IFT122: variants seen among roughly 807,000 people sequenced by gnomAD.
IFT122 encodes the protein intraflagellar transport protein 122 homolog.
In IFT122, 118 loss-of-function variants were observed where a neutral mutation model predicts 161.6. That is an observed-to-expected ratio of 0.73 (90% CI 0.63 to 0.85). The LOEUF (loss-of-function observed/expected upper bound fraction) is 0.85, where lower values mean the gene tolerates loss of function less well. IFT122 is among the 40% of genes least tolerant of loss of function. The pLI is 0.00. For synonymous variants in IFT122, 550 were observed against 602.4 expected (o/e 0.91, Z 1.27); for missense variants, 1,381 against 1,579.6 (o/e 0.87, Z 2.13).
chr3:129,520,152 G>GTGCTGT, intron 29 of IFT122, 24 bp from the exon 30 acceptor site: 1 of 1,596,932 alleles, frequency 6.3e-7, no homozygotes, highest in Non-Finnish European at 8.6e-7. Flanking sequence ...GCTTCAGCCT[G>GTGCTGT]GTCTTACAGC....
chr3:129,467,117 A>G, intron 8 of IFT122, 51 bp downstream of exon 8: 1 of 1,555,372 alleles, frequency 6.4e-7, no homozygotes, highest in East Asian at 2.3e-5. Context: ...CCCAGGCCCC[A>G]CACAGACTTG....
intron 4 of IFT122, chr3:129,460,877 T>C (rs188269752): frequency 6.2e-7 from 1 of 1,614,096 alleles, no homozygotes; most frequent in South Asian, 1.1e-5. Flanking sequence ...ATGTCTTCAT[T>C]GCACCTCCAT....
In IFT122 at chr3:129,466,912, AACAGAGAGAATG is replaced by A; in HGVS notation, c.588_599del (p.Asn196_Glu200delinsLys). Reference sequence around the variant, plus strand: ...CAGCCGATGGGAGAGTTTCTGGATGAACAGAGAGAATGAGGATGCCGAGGATGTCATTGTCAA... The same window carrying A: ...CAGCCGATGGGAGAGTTTCTGGATGAAGGATGCCGAGGATGTCATTGTCAA... On this transcript the variant is annotated inframe_deletion, in exon 8 of 30. Transcript: ENST00000348417. 6.2e-7 allele frequency: 1 copy of A among 1,614,220 alleles called. No homozygotes were observed. The highest frequency in any genetic ancestry group is 1.1e-5 in the South Asian group (1 of 91,070).
At chr3:129,459,283 T>TTTCTG (rs2075887639) in intron 4 of IFT122, 1 of 452,752 alleles carries the variant, frequency 2.2e-6, no homozygotes, top group Admixed American at 2.4e-5. Context: ...CTGCATCTAT[T>TTTCTG]TTTTGTTTTG....
At chr3:129,477,800 T>C (rs1472435892) in intron 11 of IFT122, among the ~76,000 whole-genome samples, 2 of 152,232 alleles carry the variant, frequency 1.3e-5, no homozygotes, top group Non-Finnish European at 2.9e-5. Flanking sequence ...CATACTCAGT[T>C]GTCAGCCTTG....
At chr3:129,449,213 G>A (rs1408333388) in intron 1 of IFT122, among the ~76,000 whole-genome samples, 1 of 152,134 alleles carries the variant, frequency 6.6e-6, no homozygotes. Flanking sequence ...CTTTATCAGA[G>A]TACTGTTCTG....
At chr3:129,486,730 G>A (rs2079329517) in intron 15 of IFT122, among the ~76,000 whole-genome samples, 1 of 152,330 alleles carries the variant, frequency 6.6e-6, no homozygotes, top group Non-Finnish European at 1.5e-5. Flanking sequence ...GATCATGCCT[G>A]CATTTTGCCC....
At chr3:129,463,236 A>T (rs1402349780) in intron 5 of IFT122, 2 of 350,854 alleles carry the variant, frequency 5.7e-6, no homozygotes, top group East Asian at 6.9e-5. Flanking sequence ...GTTTTATCGC[A>T]TGTGTAGATT....
chr3:129,476,187 A>G, intron 9 of IFT122, 128 bp from the exon 10 acceptor site: 1 of 971,200 alleles, frequency 1.0e-6, no homozygotes, highest in South Asian at 1.4e-5. Context: ...ACACAGGAGA[A>G]AAGGCTGGCC....
In IFT122 at chr3:129,451,983, G is replaced by A. The variant is rs1484189844; in HGVS notation, c.178G>A (p.Ala60Thr). Residue 60 changes from alanine to threonine, a missense_variant, in exon 3 of 30, where the codon GCA (alanine) becomes ACA (threonine). By Grantham distance (58) the Ala-to-Thr change is moderately conservative. Around this residue, in one of 7 missense-constraint regions of IFT122, gnomAD observed 134 missense variants for 137.4 expected, o/e 0.98. Coordinates refer to ENST00000348417, the MANE Select transcript of IFT122 (RefSeq NM_052989.3). ...ACACAAAGACACTGTGTACTGTGTG[G>A]CATATGCGAAGGATGGTAAAAGGCT... ...KGHKDTVYCV[A>T]YAKDGKRFAS... The A allele has an allele frequency of 3.1e-6, 5 of 1,613,048 alleles. No individual in the cohort carries two copies. Among genetic ancestry groups the A allele is most frequent in the Non-Finnish European group, 3.4e-6 (4 of 1,179,020 alleles).
intron 1 of IFT122, among the ~76,000 whole-genome samples, chr3:129,448,226 G>A (rs1037577069): frequency 7.2e-5 from 11 of 152,218 alleles, no homozygotes; most frequent in Admixed American, 3.9e-4. Flanking sequence ...ACTAGGATAC[G>A]GACACACCAG....
chr3:129,491,959 A>G (rs887291009), intron 16 of IFT122, among the ~76,000 whole-genome samples, 182 bp from the exon 17 acceptor site: 6 of 152,296 alleles, frequency 3.9e-5, no homozygotes, highest in African/African-American at 7.2e-5. Context: ...AATCCCATGG[A>G]TAAAGCCATG....
At chr3:129,516,295 C>A (rs1015426008) in intron 26 of IFT122, among the ~76,000 whole-genome samples, 1 of 142,832 alleles carries the variant, frequency 7.0e-6, no homozygotes, top group African/African-American at 2.8e-5. Context: ...TGCACACACA[C>A]ACACACACAC....
chr3:129,498,931 A>T lies in IFT122; in HGVS notation c.2209-971A>T, dbSNP rs544187052. Among the ~76,000 whole-genome samples the T allele has an allele frequency of 2.6e-5, 4 of 152,230 alleles. No individual in the cohort carries two copies. In the East Asian group the frequency reaches 7.7e-4, roughly 29 times the overall value. On this transcript the variant is annotated intron_variant, in intron 18 of 29. Transcript: ENST00000348417. Reference sequence around the variant, plus strand: ...TCCCACGTGTGTATTTTGGGTAACTACTCTGAAAAGAGGTGGTGTTCTGAG... The same window carrying T: ...TCCCACGTGTGTATTTTGGGTAACTTCTCTGAAAAGAGGTGGTGTTCTGAG...
chr3:129,511,444 T>C (rs2082816385), intron 23 of IFT122, among the ~76,000 whole-genome samples: 1 of 152,198 alleles, frequency 6.6e-6, no homozygotes, highest in Non-Finnish European at 1.5e-5. Context: ...GGCTCAGTGA[T>C]GAGTAGGGCC....
chr3:129,517,181 C>A (rs545076215), intron 26 of IFT122, among the ~76,000 whole-genome samples: 13 of 148,036 alleles, frequency 8.8e-5, no homozygotes, highest in African/African-American at 3.3e-4. Flanking sequence ...TGCACACACA[C>A]AGAGACTGCC....
At chr3:129,482,351 G>A (rs1272535074) in intron 14 of IFT122, among the ~76,000 whole-genome samples, 1 of 152,152 alleles carries the variant, frequency 6.6e-6, no homozygotes, top group Non-Finnish European at 1.5e-5. Context: ...TGCTGGGCTC[G>A]CGCCATTCTT....
chr3:129,484,015 G>A (rs2078977145), intron 15 of IFT122: 1 of 410,194 alleles, frequency 2.4e-6, no homozygotes, highest in Non-Finnish European at 4.6e-6. Flanking sequence ...AAAGCCGGGA[G>A]TCCGGCAGGG....
At chr3:129,490,508 T>C (rs1008120286) in intron 16 of IFT122, among the ~76,000 whole-genome samples, 4 of 152,164 alleles carry the variant, frequency 2.6e-5, no homozygotes, top group South Asian at 2.1e-4. Context: ...CGCTGCAAAA[T>C]GTGTCAGGTT....
Sources: gnomAD v4.1 joint callset for allele counts (sites outside exome capture counted in the v4.1 genomes callset) on GRCh38, gnomAD v4.1.1 for gene constraint, gnomAD v4.1.1 regional missense constraint, MANE v1.5 for transcripts, NCBI Gene and HGNC (gene_info 2026-07-23, HGNC 2026-07-21) for gene names.